Variants in SLC8A2 observed in about 807,000 individuals in gnomAD.
SLC8A2 encodes sodium/calcium exchanger 2.
SLC8A2 carries 14 observed loss-of-function variants against 70.2 expected under a neutral mutation model. That is an observed-to-expected ratio of 0.20 (90% CI 0.13 to 0.31). The LOEUF (loss-of-function observed/expected upper bound fraction) is 0.31. Ranked by LOEUF, SLC8A2 falls within the 10% of genes least tolerant of loss-of-function variation. The probability of loss-of-function intolerance (pLI) is 1.00; values close to 1 mark genes in which losing one functional copy is unlikely to be tolerated. For missense variants in SLC8A2, 779 were observed against 1,320.1 expected (o/e 0.59, Z 6.35); for synonymous variants, 575 against 594.3 (o/e 0.97, Z 0.47).
intron 1 of SLC8A2, among the ~76,000 whole-genome samples, chr19:47,470,154 C>T (rs1442160413): frequency 1.3e-5 from 2 of 152,192 alleles, no homozygotes; most frequent in African/African-American, 2.4e-5. Context: ...CTCCCATCAC[C>T]TCAAAATGGT....
rs1429182802 is a variant in SLC8A2 at position 47,437,473 on chromosome 19, G to A, written c.2099C>T (p.Thr700Met). Residue 700 changes from threonine (T) to methionine (M), a missense_variant, in exon 8 of 10, where the codon ACG becomes ATG. By Grantham distance (81) the Thr-to-Met change is moderately conservative (BLOSUM62 -1). This residue lies in a region of SLC8A2 where 247 missense variants were observed against 362.8 expected (regional missense o/e 0.68). Coordinates refer to ENST00000236877, the MANE Select transcript of SLC8A2 (RefSeq NM_015063.3). The stretch of plus-strand genomic sequence containing the variant: ...CCCTCCCCACTTACCTGCGCTCACC[G>A]TAATTGCCTCTAAAAACTGCTCCCT... ...SWREQFLEAITVSAGDEEEEE... is the reference protein window; with the variant it reads ...SWREQFLEAIMVSAGDEEEEE... 15 of 1,608,576 alleles carry A rather than the reference G, an allele frequency of 9.3e-6. No homozygotes were observed. The highest frequency in any genetic ancestry group is 1.7e-5 in the Admixed American group (1 of 59,962).
intron 2 of SLC8A2, among the ~76,000 whole-genome samples, chr19:47,463,546 A>C (rs544711897): frequency 1.4e-3 from 217 of 150,526 alleles, no homozygotes; most frequent in African/African-American, 5.0e-3. Context: ...AGCCTGGCCA[A>C]CATGACAAAA....
intron 4 of SLC8A2, among the ~76,000 whole-genome samples, chr19:47,442,897 G>A (rs1967115820): frequency 6.6e-6 from 1 of 152,066 alleles, no homozygotes; most frequent in South Asian, 2.1e-4. Flanking sequence ...TGCCCAGGCT[G>A]GTCTTGAACT....
intron 2 of SLC8A2, among the ~76,000 whole-genome samples, chr19:47,457,797 T>TTC (rs1555750060): frequency 0.032 from 3,051 of 94,948 alleles, 62 homozygotes; most frequent in Non-Finnish European, 0.053. Flanking sequence ...TTTTCTTTTC[T>TTC]CTTCCTTCCT....
In SLC8A2 at chr19:47,466,507, G is replaced by A. The variant is rs940731872; in HGVS notation, c.-16-88C>T. On this transcript the variant is annotated intron_variant, in intron 1 of 9. Coordinates refer to ENST00000236877, the MANE Select transcript of SLC8A2 (RefSeq NM_015063.3). This position sits in a 1 kb window ranked among gnomAD's most constrained non-coding sequence, Gnocchi z 6.9. ...CAAAGCTCACTGGGGAAGGAGGGTTGGGGGAGAAGCTGAGGACCAATGCAG... is the reference window on the plus strand; with the variant it reads ...CAAAGCTCACTGGGGAAGGAGGGTTAGGGGAGAAGCTGAGGACCAATGCAG... 8 of 589,532 alleles carry A rather than the reference G, an allele frequency of 1.4e-5. No homozygotes were observed. The highest frequency in any genetic ancestry group is 1.3e-4 in the African/African-American group (7 of 53,680). The allele number at this position is 589,532 out of a possible 1,614,324, so 36.5% of individuals were successfully genotyped here.
intron 3 of SLC8A2, among the ~76,000 whole-genome samples, chr19:47,451,005 C>CTTTTTTTTTT (rs71180844): frequency 1.2e-5 from 1 of 80,216 alleles, no homozygotes; most frequent in African/African-American, 4.3e-5. Flanking sequence ...GTAGCACTAT[C>CTTTTTTTTTT]TTTTTTTTTT....
intron 2 of SLC8A2, among the ~76,000 whole-genome samples, chr19:47,462,005 C>T (rs1382645410): frequency 1.3e-5 from 2 of 152,134 alleles, no homozygotes; most frequent in Non-Finnish European, 2.9e-5. Context: ...ATGGTCTTGG[C>T]CTTTCCTGGC....
At chr19:47,451,304 A>G (rs1200506153) in intron 3 of SLC8A2, among the ~76,000 whole-genome samples, 2 of 145,492 alleles carry the variant, frequency 1.4e-5, no homozygotes, top group Non-Finnish European at 2.9e-5. Flanking sequence ...CACCGCGCCC[A>G]GACCTTTTTT....
chr19:47,470,348 T>TACACACACACACACACACAC (rs71180846), intron 1 of SLC8A2, among the ~76,000 whole-genome samples: 1 of 139,300 alleles, frequency 7.2e-6, no homozygotes, highest in African/African-American at 2.7e-5. Context: ...GGAGACATCA[T>TACACACACACACACACACAC]ACACACACAC....
intron 2 of SLC8A2, among the ~76,000 whole-genome samples, chr19:47,459,727 CTG>C (rs146281410): frequency 0.14 from 21,159 of 149,432 alleles, 1,572 homozygotes; most frequent in South Asian, 0.2. Flanking sequence ...GTGTGTACGT[CTG>C]TGTGTGTATG....
At chr19:47,459,514 G>A (rs1188807462) in intron 2 of SLC8A2, among the ~76,000 whole-genome samples, 1 of 151,930 alleles carries the variant, frequency 6.6e-6, no homozygotes, top group Admixed American at 6.6e-5. Flanking sequence ...ATCTCTGTGT[G>A]TGTGCACGTG....
At chr19:47,470,606 C>T (rs1242256402) in intron 1 of SLC8A2, among the ~76,000 whole-genome samples, 1 of 151,956 alleles carries the variant, frequency 6.6e-6, no homozygotes, top group East Asian at 1.9e-4. Context: ...TAGTGCTTGC[C>T]CAGAGCAGGA....
At position 47,457,559 on chromosome 19, in the gene SLC8A2, C is replaced by G; in HGVS notation, c.711G>C (p.Pro237=). ...CCATCCAGGCGAATACCACGCACAC[C>G]GGGAAGAAGACCAGGGTCAGCAGCG... ...WEALLTLVFF[P]VCVVFAWMAD... Residue 237 remains proline, a synonymous_variant, in exon 3 of 10, where the codon CCG becomes CCC. Coordinates refer to ENST00000236877, the MANE Select transcript of SLC8A2 (RefSeq NM_015063.3). 6.3e-7 allele frequency: 1 copy of G among 1,589,406 alleles called. No homozygotes were observed. Among genetic ancestry groups the G allele is most frequent in the Non-Finnish European group, 8.6e-7 (1 of 1,167,868 alleles).
intron 4 of SLC8A2, among the ~76,000 whole-genome samples, chr19:47,444,187 C>T (rs1967131522): frequency 6.6e-6 from 1 of 152,142 alleles, no homozygotes; most frequent in Non-Finnish European, 1.5e-5. Context: ...AGCCACAGCA[C>T]CTGGCCCGCC....
chr19:47,467,285 C>T (rs1967475154), intron 1 of SLC8A2, among the ~76,000 whole-genome samples: 1 of 152,204 alleles, frequency 6.6e-6, no homozygotes, highest in Non-Finnish European at 1.5e-5. Flanking sequence ...AGCACTCAAA[C>T]TGCAAAATTC....
Position 47,429,904 on chromosome 19 carries a change from G to C in SLC8A2, c.*185C>G, listed in dbSNP as rs1271039997. On this transcript the variant is annotated 3_prime_UTR_variant, in exon 10 of 10. Coordinates refer to ENST00000236877, the MANE Select transcript of SLC8A2 (RefSeq NM_015063.3). ...CCGGGGAGGCTCCCGAGAGGAAGAG[G>C]GAAGGCTGAGCTACTGGGGACACAG... 5 of 623,752 alleles carry C rather than the reference G, an allele frequency of 8.0e-6. No individual in the cohort carries two copies. The highest frequency in any genetic ancestry group is 1.1e-5 in the Non-Finnish European group (4 of 363,118). 38.6% of individuals were successfully genotyped at this position (623,752 alleles called of 1,614,324 possible).
Position 47,471,253 on chromosome 19 carries a change from GAC to G in SLC8A2, c.-17+534_-17+535del, listed in dbSNP as rs561401978. The stretch of plus-strand genomic sequence containing the variant: ...CAAGGGAGAGAGGCAGAGACACAGA[GAC>G]ACAGAGAAACAGAGATGGCGCAAGA... On this transcript the variant is annotated intron_variant, in intron 1 of 9. Coordinates refer to ENST00000236877, the MANE Select transcript of SLC8A2 (RefSeq NM_015063.3). 2.3e-3 allele frequency among the ~76,000 whole-genome samples: 347 copies of G among 151,972 alleles called. 1 individual carries two copies. The highest frequency in any genetic ancestry group is 8.0e-3 in the African/African-American group (333 of 41,442).
intron 3 of SLC8A2, among the ~76,000 whole-genome samples, chr19:47,454,012 G>T (rs1360977928): frequency 6.6e-6 from 1 of 152,150 alleles, no homozygotes; most frequent in African/African-American, 2.4e-5. Context: ...TGGGCGCTGT[G>T]GTGCACACCT....
intron 2 of SLC8A2, among the ~76,000 whole-genome samples, chr19:47,462,586 C>CTTT (rs542630404): frequency 3.4e-5 from 4 of 117,424 alleles, no homozygotes; most frequent in Non-Finnish European, 7.3e-5. Context: ...TTTTAAATTT[C>CTTT]TTTTTTTTTT....
Sources: allele counts gnomAD v4.1 joint callset (sites outside exome capture counted in the v4.1 genomes callset), GRCh38; gene constraint gnomAD v4.1.1; regional missense constraint gnomAD v4.1.1; non-coding constraint Gnocchi (gnomAD v3.1); transcripts MANE v1.5; gene names NCBI Gene and HGNC (gene_info 2026-07-23, HGNC 2026-07-21).